KIF18A: variants seen among roughly 807,000 people sequenced by gnomAD.
KIF18A encodes kinesin-like protein KIF18A.
A neutral mutation model predicts 103.3 loss-of-function variants in KIF18A; 67 were observed. That is an observed-to-expected ratio of 0.65 (90% CI 0.53 to 0.79). The LOEUF is 0.79. KIF18A is among the 30% of genes least tolerant of loss of function. KIF18A has a pLI of 0.00. For missense variants in KIF18A, 1,032 were observed against 1,062.5 expected (o/e 0.97, Z 0.40); for synonymous variants, 367 against 355.5 (o/e 1.03, Z -0.36).
intron 15 of KIF18A, among the ~76,000 whole-genome samples, chr11:28,033,673 G>A (rs1449402364): frequency 1.3e-5 from 2 of 151,624 alleles, no homozygotes; most frequent in African/African-American, 4.8e-5. Flanking sequence ...TTGAACTCAT[G>A]GAGATAGAGA....
At chr11:28,041,569 T>C (rs1850561476) in intron 13 of KIF18A, among the ~76,000 whole-genome samples, 1 of 151,804 alleles carries the variant, frequency 6.6e-6, no homozygotes, top group Non-Finnish European at 1.5e-5. Flanking sequence ...TTTTTATTTA[T>C]TCCAAGTGTA....
At chr11:28,038,214 T>C (rs7933991) in intron 13 of KIF18A, among the ~76,000 whole-genome samples, 58,287 of 151,364 alleles carry the variant, frequency 0.39, 13,009 homozygotes, top group African/African-American at 0.62. Flanking sequence ...TTCATTAGAA[T>C]TTATTACCAC....
intron 13 of KIF18A, among the ~76,000 whole-genome samples, chr11:28,042,818 GTAAA>G (rs919221677): frequency 2.0e-5 from 3 of 151,792 alleles, no homozygotes; most frequent in African/African-American, 7.3e-5. Context: ...TAAAAAAAGG[GTAAA>G]CTTGACCTAA....
chr11:28,104,097 T>C lies in KIF18A; in HGVS notation c.-47+3967A>G, dbSNP rs1851477128. 2.0e-5 allele frequency among the ~76,000 whole-genome samples: 3 copies of C among 152,212 alleles called. No homozygotes were observed. In the South Asian group the frequency reaches 6.2e-4, roughly 31 times the overall value. ...AGGTCAATTTTTAACTTATAACATA[T>C]GTAGCTAGTGCTCATCCCAGATTAA... On this transcript the variant is annotated intron_variant, in intron 1 of 16. Coordinates refer to ENST00000263181, the MANE Select transcript of KIF18A (RefSeq NM_031217.4).
chr11:28,024,168 A>G (rs1188864468), intron 15 of KIF18A, among the ~76,000 whole-genome samples: 1 of 148,004 alleles, frequency 6.8e-6, no homozygotes, highest in Non-Finnish European at 1.5e-5. Context: ...TGTAGAGATC[A>G]GTAGCACATA....
intron 15 of KIF18A, among the ~76,000 whole-genome samples, chr11:28,027,460 G>C (rs182544744): frequency 0.018 from 2,678 of 151,444 alleles, 82 homozygotes; most frequent in African/African-American, 0.062. Flanking sequence ...TCTTTTGTTA[G>C]TTTTGAATAA....
chr11:28,078,600 T>C (rs536409093), intron 9 of KIF18A, among the ~76,000 whole-genome samples: 94 of 152,278 alleles, frequency 6.2e-4, no homozygotes, highest in African/African-American at 2.2e-3. Flanking sequence ...AAGTTAAAAG[T>C]ATCTGCACCA....
At chr11:28,032,499 G>A (rs532939702) in intron 15 of KIF18A, among the ~76,000 whole-genome samples, 5 of 151,948 alleles carry the variant, frequency 3.3e-5, no homozygotes, top group South Asian at 4.1e-4. Context: ...AAAAAAGCAC[G>A]GGACTGGCAT....
Position 28,084,805 on chromosome 11 carries a change from T to C in KIF18A, c.901A>G (p.Lys301Glu), listed in dbSNP as rs754334897. 19 of 1,609,378 alleles carry C rather than the reference T, an allele frequency of 1.2e-5. No individual in the cohort carries two copies. The highest frequency in any genetic ancestry group is 1.4e-5 in the Non-Finnish European group (17 of 1,177,662). ...VINALADSKR[K>E]NQHIPYRNSK... ...TTTCTGTAAGGGATATGCTGATTCT[T>C]TCTCTGAAAGCACAAAAAAGAGATC... The change falls in exon 7 of 17, where the codon AAG (lysine) becomes GAG (glutamate). Residue 301 changes from lysine to glutamate, a missense_variant. Transcript: ENST00000263181.
intron 1 of KIF18A, among the ~76,000 whole-genome samples, chr11:28,100,367 G>A (rs1012248545): frequency 6.6e-6 from 1 of 152,066 alleles, no homozygotes; most frequent in African/African-American, 2.4e-5. Flanking sequence ...GGAGGAAACA[G>A]CGATCTATTG....
intron 15 of KIF18A, among the ~76,000 whole-genome samples, chr11:28,032,104 T>G (rs920788661): frequency 1.6e-5 from 2 of 121,776 alleles, no homozygotes; most frequent in African/African-American, 4.0e-5. Context: ...CTGAAATAAT[T>G]TGAAAAAAAA....
At chr11:28,097,177 C>T (rs1851386888) in intron 2 of KIF18A, among the ~76,000 whole-genome samples, 1 of 152,012 alleles carries the variant, frequency 6.6e-6, no homozygotes, top group South Asian at 2.1e-4. Context: ...TATCCTTCGC[C>T]AACTTAAACA....
At chr11:28,028,236 C>T (rs1235441575) in intron 15 of KIF18A, among the ~76,000 whole-genome samples, 1 of 152,100 alleles carries the variant, frequency 6.6e-6, no homozygotes, top group Non-Finnish European at 1.5e-5. Context: ...TTCTTTTCAG[C>T]ACCACACTGC....
intron 1 of KIF18A, among the ~76,000 whole-genome samples, chr11:28,106,021 TAA>T (rs1443206063): frequency 6.6e-6 from 1 of 152,212 alleles, no homozygotes; most frequent in Non-Finnish European, 1.5e-5. Flanking sequence ...ATGTCAAATA[TAA>T]GTCAATTCAG....
Position 28,095,117 on chromosome 11 carries a change from T to C in KIF18A, c.326-317A>G, listed in dbSNP as rs141685614. On this transcript the variant is annotated intron_variant, in intron 2 of 16. Transcript: ENST00000263181. Reference sequence around the variant, plus strand: ...CTTTATCCTTTGCAATTTGTAGTCATCTTTATGAAAAAGAAATTGGAATAC... The same window carrying C: ...CTTTATCCTTTGCAATTTGTAGTCACCTTTATGAAAAAGAAATTGGAATAC... Among the ~76,000 whole-genome samples, 271 of 152,334 alleles carry C rather than the reference T, an allele frequency of 1.8e-3. 5 individuals carry two copies. In the East Asian group the frequency reaches 0.05, roughly 28 times the overall value.
chr11:28,027,231 G>C (rs1228163935), intron 15 of KIF18A, among the ~76,000 whole-genome samples: 1 of 151,810 alleles, frequency 6.6e-6, no homozygotes, highest in East Asian at 1.9e-4. Flanking sequence ...GGTAGAGGAA[G>C]TCAGATCCAT....
intron 4 of KIF18A, 38 bp from the exon 5 acceptor site, chr11:28,090,765 G>T (rs771469645): frequency 1.1e-6 from 1 of 910,234 alleles, no homozygotes; most frequent in Non-Finnish European, 1.8e-6. Flanking sequence ...TTAAAAATCA[G>T]CAATATATCT....
intron 15 of KIF18A, among the ~76,000 whole-genome samples, chr11:28,030,346 GA>G (rs1218634249): frequency 6.6e-6 from 1 of 151,616 alleles, no homozygotes; most frequent in Non-Finnish European, 1.5e-5. Flanking sequence ...TAGACCAATG[GA>G]ACAGAACAGA....
intron 10 of KIF18A, among the ~76,000 whole-genome samples, chr11:28,071,459 TTTAA>T (rs1168041897): frequency 4.7e-5 from 7 of 149,634 alleles, no homozygotes; most frequent in Non-Finnish European, 7.4e-5. Context: ...TTATTTAACA[TTTAA>T]TTATTTATAA....
Sources: gnomAD v4.1 joint callset for allele counts (sites outside exome capture counted in the v4.1 genomes callset) on GRCh38, gnomAD v4.1.1 for gene constraint, MANE v1.5 for transcripts, NCBI Gene and HGNC (gene_info 2026-07-23, HGNC 2026-07-21) for gene names.